Variants in RNLS observed in about 807,000 individuals in gnomAD.
RNLS encodes the protein renalase, FAD dependent amine oxidase, also known as renalase.
RNLS carries 39 observed loss-of-function variants against 39.8 expected under a neutral mutation model. That is an observed-to-expected ratio of 0.98 (90% CI 0.76 to 1.28). The LOEUF is 1.28. RNLS is among the 50% of genes most tolerant of loss of function. The pLI is 0.00. For synonymous variants in RNLS, 147 were observed against 150.7 expected, an observed-to-expected ratio of 0.98 and a Z score of 0.18; for missense variants, 410 against 413.3, an observed-to-expected ratio of 0.99 and a Z score of 0.07.
the RNLS span, among the ~76,000 whole-genome samples, chr10:88,197,804 A>T: frequency 6.6e-6 from 1 of 152,324 alleles, no homozygotes. Flanking sequence ...ATTTGCACAG[A>T]GGAAAGGCCG....
the RNLS span, among the ~76,000 whole-genome samples, chr10:88,207,068 A>G: frequency 6.6e-6 from 1 of 152,288 alleles, no homozygotes; most frequent in East Asian, 1.9e-4. Flanking sequence ...GCATTTTAAA[A>G]CGGAGAGATT....
intron 4 of RNLS, among the ~76,000 whole-genome samples, chr10:88,495,584 A>C (rs1255933219): frequency 3.3e-5 from 5 of 152,168 alleles, no homozygotes; most frequent in African/African-American, 1.2e-4. Flanking sequence ...GAAATCAAAA[A>C]GGGCTACCAG....
At chr10:88,376,809 T>G (rs1414715088) in intron 4 of RNLS, among the ~76,000 whole-genome samples, 1 of 152,114 alleles carries the variant, frequency 6.6e-6, no homozygotes, top group Non-Finnish European at 1.5e-5. Flanking sequence ...TAAATCAATA[T>G]AAAATCATAC....
chr10:88,386,443 T>G (rs1307036593), intron 4 of RNLS, among the ~76,000 whole-genome samples: 2 of 152,242 alleles, frequency 1.3e-5, no homozygotes, highest in East Asian at 3.8e-4. Context: ...GAATTCTGGC[T>G]TTCTGCCACT....
chr10:88,481,106 A>G (rs991329232), intron 4 of RNLS, among the ~76,000 whole-genome samples: 1 of 152,134 alleles, frequency 6.6e-6, no homozygotes, highest in Non-Finnish European at 1.5e-5. Context: ...CTTAAAGTCT[A>G]TTTTATCTGG....
intron 4 of RNLS, among the ~76,000 whole-genome samples, chr10:88,550,108 A>T (rs1454697488): frequency 6.6e-6 from 1 of 152,146 alleles, no homozygotes; most frequent in Non-Finnish European, 1.5e-5. Flanking sequence ...TCCTATCCAA[A>T]TTTCTACTAT....
the RNLS span, among the ~76,000 whole-genome samples, chr10:88,262,897 G>C: frequency 6.6e-6 from 1 of 151,954 alleles, no homozygotes; most frequent in South Asian, 2.1e-4. Flanking sequence ...CTTCATTCTC[G>C]CCTCTATGGA....
rs184362460 is a variant in RNLS, at chr10:88,452,369, A to T, written c.527-89644T>A. Among the ~76,000 whole-genome samples the T allele has an allele frequency of 5.3e-5, 8 of 152,302 alleles. No individual in the cohort carries two copies. In the East Asian group the frequency reaches 1.5e-3, roughly 29 times the overall value. On this transcript the variant is annotated intron_variant, in intron 4 of 6. Transcript: ENST00000331772. ...ATAAATGGGATCCATTACTATAATC[A>T]CACACTGCATGCTCTGGAAGTTCTG...
intron 4 of RNLS, among the ~76,000 whole-genome samples, chr10:88,503,282 G>A (rs1161589706): frequency 2.0e-5 from 3 of 152,214 alleles, no homozygotes; most frequent in Non-Finnish European, 4.4e-5. Context: ...TTGGGAGGCT[G>A]AGGCATGAGA....
chr10:88,275,008 C>T, exon 7 of RNLS: 1 of 1,613,370 alleles, frequency 6.2e-7, no homozygotes, highest in Non-Finnish European at 8.5e-7. Context: ...TTCGCACATC[C>T]TAGAATCACA....
chr10:88,347,345 T>G (rs900939864), intron 5 of RNLS, among the ~76,000 whole-genome samples: 1 of 152,160 alleles, frequency 6.6e-6, no homozygotes, highest in African/African-American at 2.4e-5. Context: ...AGACAGCCTT[T>G]TTCCAGGTTC....
intron 6 of RNLS, among the ~76,000 whole-genome samples, chr10:88,276,524 A>G (rs1405048212): frequency 2.6e-5 from 4 of 152,120 alleles, no homozygotes; most frequent in Non-Finnish European, 5.9e-5. Context: ...TTTTCCTCAA[A>G]TTATTTGTTA....
chr10:88,216,404 C>T, the RNLS span, among the ~76,000 whole-genome samples: 1 of 152,206 alleles, frequency 6.6e-6, no homozygotes, highest in Non-Finnish European at 1.5e-5. Context: ...TCTTTCATCT[C>T]TGATTTTGTG....
chr10:88,404,974 G>C (rs891073064), intron 4 of RNLS, among the ~76,000 whole-genome samples: 1 of 152,068 alleles, frequency 6.6e-6, no homozygotes, highest in African/African-American at 2.4e-5. Context: ...ATAAGCAGCT[G>C]TTTTAGTCAG....
rs549261019 is a variant in RNLS, at chr10:88,348,562, A to T, written c.700+13990T>A. Among the ~76,000 whole-genome samples the T allele has an allele frequency of 1.2e-4, 19 of 152,272 alleles. No individual in the cohort carries two copies. The East Asian group carries it at 3.1e-3, about 25-fold the overall frequency. On this transcript the variant is annotated intron_variant, in intron 5 of 6. Coordinates refer to ENST00000331772, the MANE Select transcript of RNLS (RefSeq NM_001031709.3). ...ACGTTTTAGTATGGATGCTGTATAG[A>T]TCTGTAATTTGGACTTGTTTATAGC...
At chr10:88,451,082 G>T (rs922929117) in intron 4 of RNLS, among the ~76,000 whole-genome samples, 2 of 151,928 alleles carry the variant, frequency 1.3e-5, no homozygotes, top group Non-Finnish European at 2.9e-5. Flanking sequence ...GAGGTGAGAT[G>T]CAAGTGTCAG....
chr10:88,548,620 C>T (rs1272260268), intron 4 of RNLS, among the ~76,000 whole-genome samples: 1 of 145,794 alleles, frequency 6.9e-6, no homozygotes, highest in Admixed American at 6.9e-5. Context: ...GCCTGGGTGA[C>T]GAAGCGAGAC....
At chr10:88,383,642 G>A (rs556595878) in intron 4 of RNLS, among the ~76,000 whole-genome samples, 41 of 152,184 alleles carry the variant, frequency 2.7e-4, no homozygotes, top group African/African-American at 9.1e-4. Flanking sequence ...ATTTAACTGT[G>A]CAATTGAGGA....
downstream of RNLS, among the ~76,000 whole-genome samples, chr10:88,271,204 G>A (rs149925375): frequency 2.0e-5 from 3 of 152,188 alleles, no homozygotes; most frequent in Non-Finnish European, 4.4e-5. Context: ...CTAATGCTGC[G>A]AAAATGTCAC....
Sources: gnomAD v4.1 joint callset for allele counts (sites outside exome capture counted in the v4.1 genomes callset) on GRCh38, gnomAD v4.1.1 for gene constraint, MANE v1.5 for transcripts, NCBI Gene and HGNC (gene_info 2026-07-23, HGNC 2026-07-21) for gene names.